Variants in ANK2 observed in about 807,000 individuals in gnomAD.
ANK2 encodes ankyrin 2, also known as ankyrin-2.
A neutral mutation model predicts 360.5 loss-of-function variants in ANK2; 83 were observed. The observed-to-expected ratio is 0.23, with a 90% CI of 0.19 to 0.28. The LOEUF is 0.28. Among genes scored for constraint, ANK2 ranks in the 10% least tolerant of loss-of-function variants. The pLI, the probability that ANK2 is intolerant of heterozygous loss-of-function variation, is 1.00. For synonymous variants in ANK2, 1,740 were observed against 1,759.5 expected, an observed-to-expected ratio of 0.99 and a Z score of 0.28; for missense variants, 4,201 against 4,795.7, an observed-to-expected ratio of 0.88 and a Z score of 3.66.
chr4:112,881,006 A>G (rs1288625732), intron 1 of ANK2: 1 of 152,250 alleles, frequency 6.6e-6, no homozygotes, highest in East Asian at 1.9e-4. Context: ...CTTCTTACAT[A>G]GAAATAACTG....
In ANK2 at chr4:113,357,169, C is replaced by T. The variant is rs137856530; in HGVS notation, c.8551C>T (p.Pro2851Ser). ...SESFSSSSSL[P>S]HCLVSEGKEL... ...AAGCTTTTCATCTTCATCCTCTTTG[C>T]CTCATTGTTTGGTATCTGAAGGAAA... Residue 2851 changes from proline (P) to serine (S), a missense_variant, in exon 38 of 46, where the codon CCT becomes TCT. Pro to Ser is a moderately conservative substitution (Grantham distance 74). Coordinates refer to ENST00000357077, the MANE Select transcript of ANK2 (RefSeq NM_001148.6). 4 of 1,613,986 alleles carry T rather than the reference C, an allele frequency of 2.5e-6. No homozygotes were observed. The highest frequency in any genetic ancestry group is 2.7e-5 in the African/African-American group (2 of 74,896).
intron 13 of ANK2, 76 bp from the exon 14 acceptor site, chr4:113,264,821 A>C: frequency 6.8e-7 from 1 of 1,461,626 alleles, no homozygotes; most frequent in Non-Finnish European, 9.3e-7. Flanking sequence ...GAATTTCACA[A>C]AAAGGGACAA....
intron 13 of ANK2, among the ~76,000 whole-genome samples, chr4:113,261,157 T>C (rs1176705133): frequency 2.0e-5 from 3 of 152,156 alleles, no homozygotes; most frequent in Admixed American, 2.0e-4. Context: ...AAGTGTGAGG[T>C]GTACCAGTAA....
At chr4:112,865,407 T>A (rs997915263) in intron 1 of ANK2, among the ~76,000 whole-genome samples, 4 of 152,214 alleles carry the variant, frequency 2.6e-5, no homozygotes, top group Admixed American at 1.3e-4. Flanking sequence ...TGTTTATGGT[T>A]TTAAAATGTT....
intron 1 of ANK2, among the ~76,000 whole-genome samples, chr4:113,128,175 G>A (rs2095788268): frequency 1.3e-5 from 2 of 152,188 alleles, no homozygotes; most frequent in African/African-American, 4.8e-5. Flanking sequence ...ATAGTAGGAA[G>A]AGAATGAAGT....
intron 21 of ANK2, chr4:113,292,858 G>C (rs1393822416): frequency 2.6e-6 from 1 of 389,152 alleles, no homozygotes; most frequent in African/African-American, 2.1e-5. Flanking sequence ...TAAGGGAGCT[G>C]CTAGCTTAAA....
chr4:112,765,711 T>C, the ANK2 span, among the ~76,000 whole-genome samples: 1 of 149,470 alleles, frequency 6.7e-6, no homozygotes, highest in African/African-American at 2.5e-5. Flanking sequence ...AGATAGTATA[T>C]GTCTGAGAGC....
intron 2 of ANK2, among the ~76,000 whole-genome samples, chr4:113,000,291 T>C (rs1039288934): frequency 1.1e-4 from 16 of 152,234 alleles, no homozygotes; most frequent in African/African-American, 3.9e-4. Flanking sequence ...CTCCTCTTCC[T>C]GGTACAGAGA....
intron 2 of ANK2, among the ~76,000 whole-genome samples, chr4:112,999,307 C>T (rs923355299): frequency 6.6e-6 from 1 of 152,042 alleles, no homozygotes; most frequent in Admixed American, 6.6e-5. Context: ...TACAGTTTGC[C>T]AAGTAACCTT....
chr4:113,121,700 G>A (rs1264239443), intron 1 of ANK2, among the ~76,000 whole-genome samples: 1 of 152,132 alleles, frequency 6.6e-6, no homozygotes, highest in Non-Finnish European at 1.5e-5. Flanking sequence ...AGGTGATTTT[G>A]CATGGGATTA....
the ANK2 span, among the ~76,000 whole-genome samples, chr4:112,724,536 A>G: frequency 3.5e-5 from 5 of 144,056 alleles, no homozygotes; most frequent in Non-Finnish European, 7.5e-5. Context: ...TAAAGATACA[A>G]ATATATAGAC....
At chr4:113,001,040 A>G (rs2050441275) in intron 2 of ANK2, among the ~76,000 whole-genome samples, 1 of 151,794 alleles carries the variant, frequency 6.6e-6, no homozygotes, top group South Asian at 2.1e-4. Context: ...TTTTTCCTTA[A>G]AAAATAATGT....
At chr4:113,309,092 G>A (rs1431935794) in intron 23 of ANK2, among the ~76,000 whole-genome samples, 1 of 152,102 alleles carries the variant, frequency 6.6e-6, no homozygotes, top group Admixed American at 6.5e-5. Context: ...ATTTCTACTT[G>A]CTTTCACTTT....
chr4:113,201,494 A>T (rs1354207820), intron 4 of ANK2, among the ~76,000 whole-genome samples: 1 of 152,222 alleles, frequency 6.6e-6, no homozygotes, highest in Non-Finnish European at 1.5e-5. Flanking sequence ...TATAGATTCA[A>T]CTACATGACT....
At position 113,213,139 on chromosome 4, in the gene ANK2, A is replaced by G. The variant is rs184821555; in HGVS notation, c.384+14030A>G. On this transcript the variant is annotated intron_variant, in intron 4 of 45. Coordinates refer to ENST00000357077, the MANE Select transcript of ANK2 (RefSeq NM_001148.6). Reference sequence around the variant, plus strand: ...TGAAAATAGAAGTCCAACTAACAAAATGTGTTTTAACCAAATATTATTTTT... The same window carrying G: ...TGAAAATAGAAGTCCAACTAACAAAGTGTGTTTTAACCAAATATTATTTTT... Among the ~76,000 whole-genome samples, 51 of 152,372 alleles carry G rather than the reference A, an allele frequency of 3.3e-4. No individual in the cohort carries two copies. In the East Asian group the frequency reaches 7.9e-3, roughly 24 times the overall value.
intron 1 of ANK2, among the ~76,000 whole-genome samples, chr4:113,072,765 T>TTTTTTTTTTTTTTTTTTTTTTG (rs142762570): frequency 2.5e-5 from 3 of 121,192 alleles, no homozygotes; most frequent in Non-Finnish European, 5.4e-5. Context: ...TTTTTTTTTT[T>TTTTTTTTTTTTTTTTTTTTTTG]GCTGTCTTGT....
chr4:113,017,547 AACTGACTCT>A (rs2056967713), intron 2 of ANK2, among the ~76,000 whole-genome samples: 4 of 152,234 alleles, frequency 2.6e-5, no homozygotes, highest in Non-Finnish European at 5.9e-5. Flanking sequence ...TAATTTAGTC[AACTGACTCT>A]CCCTTTGTGA....
intron 1 of ANK2, among the ~76,000 whole-genome samples, chr4:113,101,481 C>A (rs887971600): frequency 6.6e-6 from 1 of 152,132 alleles, no homozygotes; most frequent in Non-Finnish European, 1.5e-5. Context: ...AGATACATAA[C>A]TTTAGCATTT....
At position 113,335,938 on chromosome 4, in the gene ANK2, A is replaced by C. The variant is rs2093469908; in HGVS notation, c.3472A>C (p.Lys1158Gln). 1 of 1,614,020 alleles carries C rather than the reference A, an allele frequency of 6.2e-7. No homozygotes were observed. The highest frequency in any genetic ancestry group is 8.5e-7 in the Non-Finnish European group (1 of 1,180,042). Residue 1158 changes from lysine (K) to glutamine (Q), a missense_variant, in exon 30 of 46, where the codon AAA (lysine) becomes CAA (glutamine). Lys to Gln is a moderately conservative substitution (Grantham distance 53). Coordinates refer to ENST00000357077, the MANE Select transcript of ANK2 (RefSeq NM_001148.6). The part of the protein sequence containing the change: ...PQYFAVVSRI[K>Q]QDSNLIGPEG... ...GTACTTTGCAGTGGTGTCTCGTATCAAACAGGACAGCAATCTGATTGGCCC... is the reference window on the plus strand; with the variant it reads ...GTACTTTGCAGTGGTGTCTCGTATCCAACAGGACAGCAATCTGATTGGCCC...
Sources: allele counts gnomAD v4.1 joint callset (sites outside exome capture counted in the v4.1 genomes callset), GRCh38; gene constraint gnomAD v4.1.1; transcripts MANE v1.5; gene names NCBI Gene and HGNC (gene_info 2026-07-23, HGNC 2026-07-21).